The following PUS10 variants were observed in gnomAD, a reference collection of about 807,000 sequenced individuals.
PUS10 encodes the protein tRNA pseudouridine synthase Pus10.
Under a neutral mutation model 75.0 loss-of-function variants are expected in PUS10, and 59 were observed. The observed-to-expected ratio is 0.79, with a 90% confidence interval of 0.64 to 0.98. The LOEUF (loss-of-function observed/expected upper bound fraction) is 0.98. PUS10 is among the 50% of genes least tolerant of loss of function. The pLI, the probability that PUS10 is intolerant of heterozygous loss-of-function variation, is 0.00. For synonymous variants in PUS10, 219 were observed against 211.6 expected (o/e 1.03, Z -0.30); for missense variants, 650 against 614.4 (o/e 1.06, Z -0.61).
chr2:61,002,479 T>A (rs1034288125), intron 4 of PUS10, among the ~76,000 whole-genome samples: 3 of 152,324 alleles, frequency 2.0e-5, no homozygotes, highest in Non-Finnish European at 4.4e-5. Context: ...GATCTTACTT[T>A]GTTCCAGGCT....
rs190516693 is a variant in PUS10 at position 60,998,547 on chromosome 2, G to A, written c.468+8010C>T. Among the ~76,000 whole-genome samples the A allele has an allele frequency of 2.7e-3, 416 of 152,174 alleles. 1 individual carries two copies. The highest frequency in any genetic ancestry group is 9.3e-3 in the African/African-American group (387 of 41,518). ...CTACTAAAAATACAAAAATTAGCCGGATGTGGTGGCATGCACCTGTAGTCC... is the reference window on the plus strand; with the variant it reads ...CTACTAAAAATACAAAAATTAGCCGAATGTGGTGGCATGCACCTGTAGTCC... On this transcript the variant is annotated intron_variant, in intron 4 of 17. Transcript: ENST00000316752.
At chr2:60,993,182 C>T (rs1158402650) in intron 4 of PUS10, among the ~76,000 whole-genome samples, 7 of 152,086 alleles carry the variant, frequency 4.6e-5, no homozygotes, top group African/African-American at 9.7e-5. Flanking sequence ...CCAGGCCAGG[C>T]GCAGTGGCTC....
intron 4 of PUS10, among the ~76,000 whole-genome samples, chr2:60,988,195 C>A (rs536224146): frequency 1.4e-4 from 22 of 152,132 alleles, no homozygotes; most frequent in Admixed American, 1.3e-3. Flanking sequence ...ATGAGAATAA[C>A]CAGTAATGAA....
intron 16 of PUS10, among the ~76,000 whole-genome samples, chr2:60,946,105 C>T (rs1332193622): frequency 3.3e-5 from 5 of 152,112 alleles, no homozygotes; most frequent in Non-Finnish European, 7.4e-5. Flanking sequence ...CTCACAACTA[C>T]CCAACAATTA....
At chr2:60,988,154 C>G (rs560060146) in intron 4 of PUS10, among the ~76,000 whole-genome samples, 1 of 151,822 alleles carries the variant, frequency 6.6e-6, no homozygotes, top group Non-Finnish European at 1.5e-5. Flanking sequence ...CCTAGGCTCA[C>G]GAGATGTCAA....
At chr2:60,950,522 A>G (rs1266567800) in intron 15 of PUS10, among the ~76,000 whole-genome samples, 1 of 152,126 alleles carries the variant, frequency 6.6e-6, no homozygotes, top group Admixed American at 6.5e-5. Context: ...GGTTCAAGCT[A>G]TTCTCATGCC....
intron 12 of PUS10, among the ~76,000 whole-genome samples, 194 bp from the exon 13 acceptor site, chr2:60,954,352 C>G (rs996295164): frequency 3.3e-5 from 5 of 152,156 alleles, no homozygotes; most frequent in African/African-American, 1.2e-4. Context: ...TGCTAAACCC[C>G]AGCACAGGCA....
chr2:60,976,653 T>C (rs918398864), intron 4 of PUS10, among the ~76,000 whole-genome samples: 4 of 152,224 alleles, frequency 2.6e-5, no homozygotes, highest in African/African-American at 9.7e-5. Context: ...CTCTGCAGGC[T>C]CCCTGCTCCA....
chr2:60,977,891 T>C (rs1267284733), intron 4 of PUS10, among the ~76,000 whole-genome samples: 1 of 152,302 alleles, frequency 6.6e-6, no homozygotes, highest in East Asian at 1.9e-4. Flanking sequence ...TGTGGTGAGA[T>C]TGCAATTGAG....
intron 8 of PUS10, among the ~76,000 whole-genome samples, chr2:60,963,139 C>A (rs1386048704): frequency 1.3e-5 from 2 of 152,230 alleles, no homozygotes; most frequent in Non-Finnish European, 2.9e-5. Flanking sequence ...ACAGGCAGAT[C>A]TAGCAGAACA....
intron 1 of PUS10, among the ~76,000 whole-genome samples, chr2:61,013,127 C>A (rs189165896): frequency 3.0e-4 from 45 of 151,800 alleles, no homozygotes; most frequent in Non-Finnish European, 5.7e-4. Context: ...GTGGTACACA[C>A]CTGTATTCCC....
chr2:61,018,208 G>A lies in PUS10; in HGVS notation c.-216C>T. The A allele has an allele frequency of 1.9e-6, 3 of 1,551,014 alleles. No individual in the cohort carries two copies. Among genetic ancestry groups the A allele is most frequent in the Non-Finnish European group, 2.6e-6 (3 of 1,146,932 alleles). ...GCGTAGACTTTGGTCTGTAGCAGTT[G>A]AGAGCGGCATTTGTCCAGCCACGGC... On this transcript the variant is annotated 5_prime_UTR_variant, in exon 1 of 18. An upstream open reading frame in the 5' UTR gains an earlier in-frame stop. Coordinates refer to ENST00000316752, the MANE Select transcript of PUS10 (RefSeq NM_144709.4).
chr2:60,948,220 G>C (rs2104157366), intron 15 of PUS10, 35 bp from the exon 16 acceptor site: 2 of 1,609,410 alleles, frequency 1.2e-6, no homozygotes, highest in African/African-American at 1.3e-5. Flanking sequence ...CCCAGAGTCA[G>C]AGCTTTGCCA....
At chr2:60,965,348 A>G (rs1461518283) in intron 7 of PUS10, 75 bp downstream of exon 7, 4 of 1,184,420 alleles carry the variant, frequency 3.4e-6, no homozygotes, top group Non-Finnish European at 5.0e-6. Flanking sequence ...TAGGAAGAGA[A>G]GCAATACTAT....
chr2:60,981,675 T>C (rs1051626036), intron 4 of PUS10, among the ~76,000 whole-genome samples: 1 of 152,246 alleles, frequency 6.6e-6, no homozygotes, highest in Non-Finnish European at 1.5e-5. Flanking sequence ...AATATATTTT[T>C]CAAACAAAAT....
chr2:60,956,812 A>G lies in PUS10; in HGVS notation c.1001-1738T>C, dbSNP rs1204986789. ...AACTTGGTGAAACCTGTCTCTACTAAAAATACAAAAAAATTAGCTGGGTGT... is the reference window on the plus strand; with the variant it reads ...AACTTGGTGAAACCTGTCTCTACTAGAAATACAAAAAAATTAGCTGGGTGT... On this transcript the variant is annotated intron_variant, in intron 11 of 17. Coordinates refer to ENST00000316752, the MANE Select transcript of PUS10 (RefSeq NM_144709.4). Among the ~76,000 whole-genome samples the G allele has an allele frequency of 2.0e-5, 3 of 149,652 alleles. No homozygotes were observed. The East Asian group carries it at 5.8e-4, about 29-fold the overall frequency.
At chr2:61,016,803 T>A (rs150315378) in intron 1 of PUS10, among the ~76,000 whole-genome samples, 334 of 152,292 alleles carry the variant, frequency 2.2e-3, no homozygotes, top group South Asian at 4.1e-3. Context: ...AGACTGAGTC[T>A]CATATCCTAA....
chr2:60,996,867 T>C (rs902432457), intron 4 of PUS10, among the ~76,000 whole-genome samples: 2 of 152,170 alleles, frequency 1.3e-5, no homozygotes, highest in African/African-American at 2.4e-5. Context: ...TACACAAAGG[T>C]TGGAAACTCC....
At chr2:60,955,597 G>A (rs1437649713) in intron 11 of PUS10, among the ~76,000 whole-genome samples, 1 of 152,026 alleles carries the variant, frequency 6.6e-6, no homozygotes, top group East Asian at 1.9e-4. Flanking sequence ...CCAAAGCACC[G>A]GGATTATAGG....
Sources: allele counts gnomAD v4.1 joint callset (sites outside exome capture counted in the v4.1 genomes callset), GRCh38; gene constraint gnomAD v4.1.1; transcripts MANE v1.5; gene names NCBI Gene and HGNC (gene_info 2026-07-23, HGNC 2026-07-21).